Variants in MAN1A1 observed in about 807,000 individuals in gnomAD.
The protein encoded by MAN1A1 is mannosidase alpha class 1A member 1.
Under a neutral mutation model 70.8 loss-of-function variants are expected in MAN1A1, and 29 were observed. The observed-to-expected ratio is 0.41, with a 90% CI of 0.31 to 0.56. The LOEUF is 0.56. Ranked by LOEUF, MAN1A1 falls within the 20% of genes least tolerant of loss-of-function variation. MAN1A1 has a pLI of 0.29. For synonymous variants in MAN1A1, 349 were observed against 330.1 expected (o/e 1.06, Z -0.62); for missense variants, 747 against 841.3 (o/e 0.89, Z 1.39).
At chr6:119,265,648 T>G (rs1441338875) in intron 5 of MAN1A1, among the ~76,000 whole-genome samples, 1 of 152,154 alleles carries the variant, frequency 6.6e-6, no homozygotes, top group Non-Finnish European at 1.5e-5. Flanking sequence ...ATTGGTTTTG[T>G]GCTGGTTCAG....
In MAN1A1 at chr6:119,307,035, T is replaced by C. The variant is rs746003419; in HGVS notation, c.604-43A>G. 7 of 1,329,090 alleles carry C rather than the reference T, an allele frequency of 5.3e-6. No individual in the cohort carries two copies. The South Asian group carries it at 6.0e-5, about 11-fold the overall frequency. The allele number at this position is 1,329,090 out of a possible 1,614,324, so 82.3% of individuals were successfully genotyped here. Reference sequence around the variant, plus strand: ...AACAGGATTATAATTTGAATGGAGATGTTTTTGCTACAAAATAGGTAATAT... The same window carrying C: ...AACAGGATTATAATTTGAATGGAGACGTTTTTGCTACAAAATAGGTAATAT... On this transcript the variant is annotated intron_variant, in intron 2 of 12. Coordinates refer to ENST00000368468, the MANE Select transcript of MAN1A1 (RefSeq NM_005907.4).
chr6:119,340,817 T>G (rs1167393564), intron 2 of MAN1A1, among the ~76,000 whole-genome samples: 1 of 152,024 alleles, frequency 6.6e-6, no homozygotes, highest in Non-Finnish European at 1.5e-5. Context: ...ACAATGCAAA[T>G]GAAAAGTTAA....
intron 5 of MAN1A1, among the ~76,000 whole-genome samples, chr6:119,289,774 G>C (rs1776482984): frequency 6.6e-6 from 1 of 152,026 alleles, no homozygotes; most frequent in Non-Finnish European, 1.5e-5. Flanking sequence ...ACAAAGTCAA[G>C]CAGCTTTTCT....
At chr6:119,325,115 A>G (rs1582805066) in intron 2 of MAN1A1, among the ~76,000 whole-genome samples, 1 of 152,220 alleles carries the variant, frequency 6.6e-6, no homozygotes, top group Admixed American at 6.5e-5. Flanking sequence ...GACACTTTAC[A>G]TATATCAACA....
At chr6:119,182,517 A>C (rs1458604674) in intron 11 of MAN1A1, among the ~76,000 whole-genome samples, 1 of 148,882 alleles carries the variant, frequency 6.7e-6, no homozygotes, top group African/African-American at 2.5e-5. Flanking sequence ...ATTCATTTTG[A>C]GTTGTTTTTT....
chr6:119,192,613 T>A (rs879275620), intron 9 of MAN1A1, among the ~76,000 whole-genome samples: 9 of 152,264 alleles, frequency 5.9e-5, no homozygotes, highest in South Asian at 2.1e-4. Flanking sequence ...AAATTTCCAT[T>A]TTTTTCCTAT....
chr6:119,245,893 C>T (rs532000509), intron 6 of MAN1A1, among the ~76,000 whole-genome samples: 12 of 152,026 alleles, frequency 7.9e-5, no homozygotes, highest in African/African-American at 2.9e-4. Flanking sequence ...AAAATGAAGT[C>T]TTATAAAAAA....
At chr6:119,293,049 T>G (rs912719075) in intron 4 of MAN1A1, among the ~76,000 whole-genome samples, 2 of 152,080 alleles carry the variant, frequency 1.3e-5, no homozygotes, top group African/African-American at 4.8e-5. Flanking sequence ...TTAAACCTGG[T>G]AACAGTTTCC....
At chr6:119,217,502 G>A (rs1013463744) in intron 6 of MAN1A1, among the ~76,000 whole-genome samples, 4 of 152,228 alleles carry the variant, frequency 2.6e-5, no homozygotes, top group African/African-American at 4.8e-5. Flanking sequence ...GGATGGTCTC[G>A]ATCTCCTGAC....
intron 2 of MAN1A1, among the ~76,000 whole-genome samples, chr6:119,344,745 G>A (rs530925318): frequency 1.3e-5 from 2 of 152,316 alleles, no homozygotes; most frequent in East Asian, 3.9e-4. Context: ...GGTATAAACT[G>A]TCAATAGTTA....
chr6:119,318,963 T>A (rs1562240693), intron 2 of MAN1A1, among the ~76,000 whole-genome samples: 1 of 152,216 alleles, frequency 6.6e-6, no homozygotes, highest in Non-Finnish European at 1.5e-5. Context: ...ATTACTAGCT[T>A]GAATGTCAAT....
chr6:119,260,456 T>G (rs1775576221), intron 5 of MAN1A1, among the ~76,000 whole-genome samples: 1 of 152,238 alleles, frequency 6.6e-6, no homozygotes, highest in South Asian at 2.1e-4. Context: ...CTTATTTGTA[T>G]ATATAACTAT....
chr6:119,288,901 G>A (rs1452841482), intron 5 of MAN1A1, among the ~76,000 whole-genome samples: 3 of 151,688 alleles, frequency 2.0e-5, no homozygotes, highest in African/African-American at 4.8e-5. Flanking sequence ...TTTGTGTAGT[G>A]ATAATGGCAA....
chr6:119,291,835 C>T (rs9481901), intron 4 of MAN1A1, among the ~76,000 whole-genome samples: 57,388 of 151,824 alleles, frequency 0.38, 11,326 homozygotes, highest in Non-Finnish European at 0.41. Flanking sequence ...CTTATTTACA[C>T]CAATAATAGC....
chr6:119,284,638 G>A (rs1276175360), intron 5 of MAN1A1, among the ~76,000 whole-genome samples: 17 of 151,742 alleles, frequency 1.1e-4, no homozygotes, highest in Non-Finnish European at 2.4e-4. Context: ...TTGGAATTAT[G>A]TATTTTTTTA....
intron 2 of MAN1A1, among the ~76,000 whole-genome samples, chr6:119,315,077 A>G (rs1421113751): frequency 6.6e-6 from 1 of 151,902 alleles, no homozygotes; most frequent in East Asian, 1.9e-4. Flanking sequence ...GTATTACTCG[A>G]CTTCTTGTTG....
intron 5 of MAN1A1, among the ~76,000 whole-genome samples, chr6:119,283,357 T>C (rs1776271179): frequency 1.3e-5 from 2 of 152,216 alleles, no homozygotes. Context: ...AATGACTAAA[T>C]GACTAAACAT....
chr6:119,228,540 G>T (rs765923970), intron 6 of MAN1A1, among the ~76,000 whole-genome samples: 23 of 151,856 alleles, frequency 1.5e-4, no homozygotes, highest in Admixed American at 6.6e-4. Flanking sequence ...TTCAGAAAAA[G>T]AATTCTATGA....
intron 6 of MAN1A1, among the ~76,000 whole-genome samples, chr6:119,213,398 T>C (rs2114959678): frequency 6.6e-6 from 1 of 152,062 alleles, no homozygotes; most frequent in East Asian, 1.9e-4. Flanking sequence ...TCTAAAATTT[T>C]AAAAACATAA....
Sources: allele counts gnomAD v4.1 joint callset (sites outside exome capture counted in the v4.1 genomes callset), GRCh38; gene constraint gnomAD v4.1.1; transcripts MANE v1.5; gene names NCBI Gene and HGNC (gene_info 2026-07-23, HGNC 2026-07-21).